LRRC49: variants seen among roughly 807,000 people sequenced by gnomAD.
LRRC49 encodes leucine rich repeat containing 49, also known as leucine-rich repeat-containing protein 49.
In LRRC49, 50 loss-of-function variants were observed where a neutral mutation model predicts 83.3. The ratio of observed to expected loss-of-function variants is 0.60; its 90% CI spans 0.48 to 0.76. LRRC49 has a LOEUF of 0.76. Among genes scored for constraint, LRRC49 ranks in the 30% least tolerant of loss-of-function variants. The pLI, the probability that LRRC49 is intolerant of heterozygous loss-of-function variation, is 0.00. For missense variants in LRRC49, 704 were observed against 809.1 expected (o/e 0.87, Z 1.58); for synonymous variants, 286 against 283.3 (o/e 1.01, Z -0.10).
At chr15:70,882,474 C>A in intron 2 of LRRC49, 1 of 1,612,074 alleles carries the variant, frequency 6.2e-7, no homozygotes, top group Non-Finnish European at 8.5e-7. Flanking sequence ...TCTTCTTTCA[C>A]CTGTACAGCC....
intron 9 of LRRC49, among the ~76,000 whole-genome samples, chr15:70,971,127 A>G (rs2036981011): frequency 6.6e-6 from 1 of 152,196 alleles, no homozygotes; most frequent in African/African-American, 2.4e-5. Context: ...ATTTAGTACT[A>G]TAAATTTCCC....
chr15:71,049,790 G>A lies in LRRC49; in HGVS notation c.*178G>A, dbSNP rs1276553706. The A allele has an allele frequency of 3.7e-6, 2 of 544,570 alleles. No homozygotes were observed. Among genetic ancestry groups the A allele is most frequent in the Non-Finnish European group, 6.4e-6 (2 of 312,230 alleles). 33.7% of individuals were successfully genotyped at this position (544,570 alleles called of 1,614,324 possible). A position where few individuals can be genotyped will look rare whatever the true frequency, so the allele number is the denominator to read the frequency against. On this transcript the variant is annotated 3_prime_UTR_variant, in exon 16 of 16. Coordinates refer to ENST00000260382, the MANE Select transcript of LRRC49 (RefSeq NM_017691.5). ...GTTAAGAAGGAAGGAAGGAAAGCAG[G>A]AGAAAGGAAGGATTAATTGCCTGTA...
intron 2 of LRRC49, chr15:70,895,549 T>C (rs758049800): frequency 2.4e-5 from 5 of 205,170 alleles, no homozygotes; most frequent in Non-Finnish European, 4.8e-5. Flanking sequence ...GGTGCAGCCA[T>C]CACCTCTATC....
At chr15:70,924,755 A>C (rs920189127) in intron 7 of LRRC49, among the ~76,000 whole-genome samples, 5 of 151,970 alleles carry the variant, frequency 3.3e-5, no homozygotes, top group Non-Finnish European at 5.9e-5. Context: ...TTTCCTTGAG[A>C]TAACTCTGAA....
chr15:70,891,973 T>A (rs144404388), upstream of LRRC49: 175 of 1,613,280 alleles, frequency 1.1e-4, no homozygotes, highest in Non-Finnish European at 1.4e-4. Flanking sequence ...CTCCCTCCTC[T>A]CCCCTCTTAG....
chr15:70,862,644 C>T (rs2032821196), intron 1 of LRRC49, among the ~76,000 whole-genome samples: 1 of 149,914 alleles, frequency 6.7e-6, no homozygotes, highest in Non-Finnish European at 1.5e-5. Flanking sequence ...AAGACCTAGA[C>T]ATTAAGCATC....
At chr15:70,892,514 C>T (rs1386309945), upstream of LRRC49, 7 of 1,522,030 alleles carry the variant, frequency 4.6e-6, no homozygotes, top group African/African-American at 5.5e-5. Flanking sequence ...TGGACACAAG[C>T]AGAGGGATAC....
At chr15:70,913,314 C>G (rs986310661) in intron 6 of LRRC49, among the ~76,000 whole-genome samples, 8 of 152,220 alleles carry the variant, frequency 5.3e-5, no homozygotes, top group African/African-American at 1.4e-4. Context: ...TTAATAAAAA[C>G]CTTGATAGAT....
At chr15:71,016,084 G>T (rs2038817086) in intron 14 of LRRC49, among the ~76,000 whole-genome samples, 1 of 152,112 alleles carries the variant, frequency 6.6e-6, no homozygotes, top group Non-Finnish European at 1.5e-5. Flanking sequence ...AAAAATATTT[G>T]ATTTTTTCAA....
intron 1 of LRRC49, chr15:70,859,154 A>C: frequency 7.2e-7 from 1 of 1,393,858 alleles, no homozygotes; most frequent in Non-Finnish European, 1.0e-6. Flanking sequence ...CAACAACCTT[A>C]GGTGGCAGCT....
chr15:70,892,538 G>A (rs149932772), upstream of LRRC49: 2 of 1,512,620 alleles, frequency 1.3e-6, no homozygotes, highest in Admixed American at 2.0e-5. Flanking sequence ...TTTCGCGCGG[G>A]CAGCGCTGAG....
chr15:70,996,784 T>C (rs2038088313), intron 11 of LRRC49, among the ~76,000 whole-genome samples: 1 of 152,204 alleles, frequency 6.6e-6, no homozygotes, highest in Admixed American at 6.5e-5. Context: ...TTTTCCCACT[T>C]TGTACATTGC....
chr15:70,906,725 T>A (rs2034329674), intron 5 of LRRC49, among the ~76,000 whole-genome samples: 1 of 152,246 alleles, frequency 6.6e-6, no homozygotes, highest in African/African-American at 2.4e-5. Context: ...TTATTTAAGG[T>A]CTTTTTGTTC....
In LRRC49 at chr15:71,027,867, A is replaced by G. The variant is rs144648330; in HGVS notation, c.1704-9312A>G. Among the ~76,000 whole-genome samples, 1,111 of 152,326 alleles carry G rather than the reference A, an allele frequency of 7.3e-3. 19 individuals are homozygous for G. The highest frequency in any genetic ancestry group is 0.024 in the African/African-American group (1,015 of 41,570). On this transcript the variant is annotated intron_variant, in intron 14 of 15. Coordinates refer to ENST00000260382, the MANE Select transcript of LRRC49 (RefSeq NM_017691.5). ...GGGCTGAGACAATGGGGTTTTCTAA[A>G]TATACAGTCATGTCGTCTGCAAACA... is the stretch of plus-strand genomic sequence containing the variant.
chr15:70,872,070 GC>G (rs1410066038), intron 1 of LRRC49, among the ~76,000 whole-genome samples: 1 of 152,224 alleles, frequency 6.6e-6, no homozygotes, highest in Non-Finnish European at 1.5e-5. Flanking sequence ...GTTGAAGCAA[GC>G]CGAGATCACG....
At chr15:70,976,317 A>G (rs1456491078) in intron 9 of LRRC49, among the ~76,000 whole-genome samples, 1 of 152,224 alleles carries the variant, frequency 6.6e-6, no homozygotes, top group Non-Finnish European at 1.5e-5. Context: ...TTGTTTGAGT[A>G]AAAATTATTG....
intron 9 of LRRC49, among the ~76,000 whole-genome samples, chr15:70,973,020 G>T (rs529296127): frequency 6.6e-6 from 1 of 152,082 alleles, no homozygotes; most frequent in South Asian, 2.1e-4. Flanking sequence ...ATCCAGTTTT[G>T]TTCCCTTGCT....
rs535032047 is a variant in LRRC49 at position 70,929,916 on chromosome 15, C to T, written c.712-6845C>T. Among the ~76,000 whole-genome samples, 21 of 152,232 alleles carry T rather than the reference C, an allele frequency of 1.4e-4. No individual in the cohort carries two copies. In the South Asian group the frequency reaches 2.3e-3, roughly 17 times the overall value. On this transcript the variant is annotated intron_variant, in intron 7 of 15. Transcript: ENST00000260382. The stretch of plus-strand genomic sequence containing the variant: ...CCACTTTTAGTTCTAGTTCTTTTGC[C>T]CTTTCTACCACATCTGCAGTTCCTT...
At chr15:70,995,839 A>C (rs1795003092) in intron 11 of LRRC49, among the ~76,000 whole-genome samples, 1 of 152,200 alleles carries the variant, frequency 6.6e-6, no homozygotes, top group Non-Finnish European at 1.5e-5. Context: ...CTGTTAGTGA[A>C]AATTGTTGTG....
Sources: gnomAD v4.1 joint callset for allele counts (sites outside exome capture counted in the v4.1 genomes callset) on GRCh38, gnomAD v4.1.1 for gene constraint, MANE v1.5 for transcripts, NCBI Gene and HGNC (gene_info 2026-07-23, HGNC 2026-07-21) for gene names.